The following PCDH15 variants were observed in gnomAD, a reference collection of about 807,000 sequenced individuals.
PCDH15 encodes the protein protocadherin related 15, also known as protocadherin-15.
PCDH15 carries 129 observed loss-of-function variants against 178.5 expected under a neutral mutation model. The ratio of observed to expected loss-of-function variants is 0.72; its 90% CI spans 0.63 to 0.84. PCDH15 has a LOEUF of 0.84. Ranked by LOEUF, PCDH15 falls within the 40% of genes least tolerant of loss-of-function variation. The probability of loss-of-function intolerance (pLI) is 0.00; values close to 1 mark genes in which losing one functional copy is unlikely to be tolerated. For synonymous variants in PCDH15, 800 were observed against 732.0 expected (o/e 1.09, Z -1.50); for missense variants, 2,230 against 2,099.9 (o/e 1.06, Z -1.21).
chr10:55,160,423 C>T (rs1343570506), intron 2 of PCDH15, among the ~76,000 whole-genome samples: 5 of 151,978 alleles, frequency 3.3e-5, no homozygotes, highest in Admixed American at 3.3e-4. Flanking sequence ...TATTCATTCA[C>T]ATCTGAAATA....
intron 14 of PCDH15, among the ~76,000 whole-genome samples, chr10:54,138,590 C>T (rs573137803): frequency 1.3e-5 from 2 of 152,290 alleles, no homozygotes; most frequent in South Asian, 4.1e-4. Flanking sequence ...TGTATCCAGA[C>T]TTTTGTGCTA....
intron 2 of PCDH15, among the ~76,000 whole-genome samples, chr10:55,463,745 G>A (rs1350750353): frequency 6.6e-6 from 1 of 151,726 alleles, no homozygotes; most frequent in African/African-American, 2.4e-5. Flanking sequence ...AATCACATCA[G>A]CAGCCTCGTA....
chr10:55,117,622 T>C (rs56212585), intron 2 of PCDH15, among the ~76,000 whole-genome samples: 3,341 of 152,196 alleles, frequency 0.022, 126 homozygotes, highest in African/African-American at 0.077. Flanking sequence ...CTATTTAGAC[T>C]CAATATTCAG....
At chr10:54,475,974 C>A (rs2078245417) in intron 3 of PCDH15, among the ~76,000 whole-genome samples, 1 of 141,722 alleles carries the variant, frequency 7.1e-6, no homozygotes, top group Non-Finnish European at 1.5e-5. Flanking sequence ...TGGATGTAAT[C>A]ACTATGCATA....
chr10:54,195,527 T>A (rs1056098230), intron 11 of PCDH15, among the ~76,000 whole-genome samples, 156 bp downstream of exon 11: 18 of 152,200 alleles, frequency 1.2e-4, no homozygotes, highest in Non-Finnish European at 5.9e-5. Flanking sequence ...TTTTAAAATA[T>A]CCTTGTTTTG....
At position 54,290,479 on chromosome 10, in the gene PCDH15, T is replaced by A. The variant is rs888461464; in HGVS notation, c.876+26792A>T. 2.0e-5 allele frequency among the ~76,000 whole-genome samples: 3 copies of A among 152,178 alleles called. 1 individual carries two copies. The highest frequency in any genetic ancestry group is 4.4e-5 in the Non-Finnish European group (3 of 68,032). On this transcript the variant is annotated intron_variant, in intron 8 of 37. Transcript: ENST00000644397. Reference sequence around the variant, plus strand: ...AAGACCATGGATGCTATGAAGAAACTGCATCAGTTAACTGGCAAAATAACC... The same window carrying A: ...AAGACCATGGATGCTATGAAGAAACAGCATCAGTTAACTGGCAAAATAACC...
intron 3 of PCDH15, among the ~76,000 whole-genome samples, chr10:54,501,234 AAT>A (rs201352212): frequency 2.0e-5 from 3 of 149,234 alleles, no homozygotes; most frequent in Admixed American, 1.3e-4. Flanking sequence ...AAAGTATAAT[AAT>A]AAAAAAAAAA....
intron 15 of PCDH15, among the ~76,000 whole-genome samples, chr10:54,093,267 A>G (rs1417329586): frequency 2.6e-5 from 4 of 152,142 alleles, no homozygotes; most frequent in Admixed American, 6.5e-5. Flanking sequence ...TAGGATTTAA[A>G]AGAAAATTCT....
intron 2 of PCDH15, among the ~76,000 whole-genome samples, chr10:55,093,570 T>C (rs1036214258): frequency 0.015 from 1 of 68 alleles, no homozygotes; most frequent in African/African-American, 0.05. Context: ...ATGTCCTGAA[T>C]GGTTTTGCTA....
chr10:55,279,871 CCA>C (rs1842683530), intron 1 of PCDH15, among the ~76,000 whole-genome samples: 1 of 152,070 alleles, frequency 6.6e-6, no homozygotes, highest in Non-Finnish European at 1.5e-5. Flanking sequence ...CTATTCAAAA[CCA>C]CAGTTTTCGA....
chr10:55,538,202 T>G (rs1186780756), intron 2 of PCDH15, among the ~76,000 whole-genome samples: 1 of 152,186 alleles, frequency 6.6e-6, no homozygotes, highest in African/African-American at 2.4e-5. Context: ...AACTTCTAAG[T>G]TAAGTCACAA....
intron 9 of PCDH15, among the ~76,000 whole-genome samples, chr10:54,222,856 A>G (rs934191670): frequency 2.0e-5 from 3 of 152,218 alleles, no homozygotes; most frequent in Non-Finnish European, 2.9e-5. Context: ...TATATTCCCC[A>G]AACAAGTCAC....
intron 1 of PCDH15, among the ~76,000 whole-genome samples, chr10:55,288,633 G>T (rs1842933509): frequency 6.6e-6 from 1 of 151,966 alleles, no homozygotes; most frequent in South Asian, 2.1e-4. Context: ...TGTAGTACTT[G>T]TTCTATTTTA....
At chr10:55,405,331 A>AATT in intron 2 of PCDH15, among the ~76,000 whole-genome samples, 1 of 119,396 alleles carries the variant, frequency 8.4e-6, no homozygotes, top group Non-Finnish European at 1.9e-5. Context: ...AATTAAAGAT[A>AATT]ATGTGTAGTA....
At chr10:54,810,305 C>A (rs1285182580) in intron 3 of PCDH15, among the ~76,000 whole-genome samples, 1 of 151,944 alleles carries the variant, frequency 6.6e-6, no homozygotes. Context: ...CCTCATATAC[C>A]AAAGAACAAT....
chr10:55,313,370 A>G (rs1277746992), intron 1 of PCDH15, among the ~76,000 whole-genome samples: 2 of 152,210 alleles, frequency 1.3e-5, no homozygotes, highest in African/African-American at 4.8e-5. Context: ...CAATTCTTAT[A>G]CATTTTTTAG....
At chr10:55,606,535 G>A (rs914527394) in intron 2 of PCDH15, among the ~76,000 whole-genome samples, 9 of 141,916 alleles carry the variant, frequency 6.3e-5, no homozygotes, top group African/African-American at 2.4e-4. Context: ...CATGGTACTG[G>A]TACCAAAACA....
chr10:54,531,949 A>G (rs1219772219), intron 2 of PCDH15, among the ~76,000 whole-genome samples: 1 of 152,178 alleles, frequency 6.6e-6, no homozygotes, highest in Admixed American at 6.6e-5. Flanking sequence ...AGAAACCAGG[A>G]AGTCACATTT....
chr10:55,009,553 T>C (rs548850774), intron 2 of PCDH15, among the ~76,000 whole-genome samples: 3 of 152,180 alleles, frequency 2.0e-5, no homozygotes, highest in African/African-American at 4.8e-5. Context: ...AAATTCATAA[T>C]TATTATTATC....
Sources: gnomAD v4.1 joint callset for allele counts (sites outside exome capture counted in the v4.1 genomes callset) on GRCh38, gnomAD v4.1.1 for gene constraint, MANE v1.5 for transcripts, NCBI Gene and HGNC (gene_info 2026-07-23, HGNC 2026-07-21) for gene names.